Variants in PTPRD observed in about 807,000 individuals in gnomAD.
PTPRD encodes the protein receptor-type tyrosine-protein phosphatase delta.
Under a neutral mutation model 214.5 loss-of-function variants are expected in PTPRD, and 34 were observed. The observed-to-expected ratio is 0.16, with a 90% confidence interval of 0.12 to 0.21. PTPRD has a LOEUF of 0.21. Ranked by LOEUF, PTPRD falls within the 10% of genes least tolerant of loss-of-function variation. PTPRD has a pLI of 1.00. For missense variants in PTPRD, 2,545 were observed against 2,398.7 expected, an observed-to-expected ratio of 1.06 and a Z score of -1.27; for synonymous variants, 1,128 against 845.7, an observed-to-expected ratio of 1.33 and a Z score of -5.79.
chr9:8,561,831 CATAT>C (rs2154211174), intron 14 of PTPRD, among the ~76,000 whole-genome samples: 1 of 150,390 alleles, frequency 6.6e-6, no homozygotes, highest in Admixed American at 6.6e-5. Context: ...TCCAAATATA[CATAT>C]ATATTTATAT....
chr9:9,508,656 C>G (rs1458608385), intron 8 of PTPRD, among the ~76,000 whole-genome samples: 3 of 151,566 alleles, frequency 2.0e-5, no homozygotes, highest in Non-Finnish European at 3.0e-5. Context: ...ACTACATTTT[C>G]AGTCTTCTTT....
chr9:8,433,730 T>A (rs1169309062), intron 35 of PTPRD, among the ~76,000 whole-genome samples: 4 of 152,184 alleles, frequency 2.6e-5, no homozygotes, highest in Non-Finnish European at 2.9e-5. Context: ...CTAAGTGATA[T>A]CAAAAGAGAG....
intron 12 of PTPRD, among the ~76,000 whole-genome samples, chr9:8,662,294 C>T (rs552516175): frequency 3.9e-5 from 6 of 152,044 alleles, no homozygotes; most frequent in East Asian, 1.9e-4. Flanking sequence ...GGGGTCACTG[C>T]TATGTTGGAA....
chr9:9,011,721 TAGTG>T (rs2099512476), intron 11 of PTPRD, among the ~76,000 whole-genome samples: 1 of 152,196 alleles, frequency 6.6e-6, no homozygotes, highest in African/African-American at 2.4e-5. Context: ...TCATTTTCCT[TAGTG>T]AGAACAAATT....
chr9:9,380,517 T>C (rs1013363144), intron 9 of PTPRD, among the ~76,000 whole-genome samples: 2 of 152,116 alleles, frequency 1.3e-5, no homozygotes, highest in African/African-American at 4.8e-5. Context: ...CTGTTATTGA[T>C]TTATAGTTTG....
intron 5 of PTPRD, among the ~76,000 whole-genome samples, chr9:9,893,807 G>T (rs2074146832): frequency 6.6e-6 from 1 of 151,940 alleles, no homozygotes; most frequent in Non-Finnish European, 1.5e-5. Flanking sequence ...TCTTCTTTTA[G>T]CCTGTTCCTT....
At chr9:9,331,174 T>C (rs2042173540) in intron 9 of PTPRD, among the ~76,000 whole-genome samples, 1 of 152,136 alleles carries the variant, frequency 6.6e-6, no homozygotes, top group African/African-American at 2.4e-5. Context: ...ACATGCGTTC[T>C]GTTCTCTTCT....
chr9:8,806,270 G>A (rs905769836), intron 11 of PTPRD, among the ~76,000 whole-genome samples: 2 of 151,030 alleles, frequency 1.3e-5, no homozygotes, highest in Admixed American at 1.3e-4. Flanking sequence ...GGATTTTTAA[G>A]GAGCTAACTT....
At chr9:9,292,565 G>A (rs1474720215) in intron 9 of PTPRD, among the ~76,000 whole-genome samples, 1 of 151,152 alleles carries the variant, frequency 6.6e-6, no homozygotes, top group Non-Finnish European at 1.5e-5. Context: ...TCTTACATTA[G>A]TATGGTGAAT....
chr9:9,148,112 A>G (rs1352550820), intron 10 of PTPRD, among the ~76,000 whole-genome samples: 1 of 152,226 alleles, frequency 6.6e-6, no homozygotes, highest in Non-Finnish European at 1.5e-5. Flanking sequence ...AAAACATACA[A>G]AAATAAAGAA....
At chr9:8,910,132 A>C (rs778517668) in intron 11 of PTPRD, among the ~76,000 whole-genome samples, 26 of 151,960 alleles carry the variant, frequency 1.7e-4, no homozygotes, top group Non-Finnish European at 3.4e-4. Flanking sequence ...TCTGCCACCC[A>C]GGTTCACACC....
intron 5 of PTPRD, among the ~76,000 whole-genome samples, chr9:9,825,332 G>C (rs971046791): frequency 6.6e-6 from 1 of 150,992 alleles, no homozygotes; most frequent in African/African-American, 2.4e-5. Context: ...AAGAGAGAGA[G>C]AAAGAGACAA....
chr9:9,614,363 T>C (rs1000731742), intron 7 of PTPRD, among the ~76,000 whole-genome samples: 4 of 152,162 alleles, frequency 2.6e-5, no homozygotes, highest in African/African-American at 4.8e-5. Context: ...ATCAGCATAG[T>C]AATTTTTCTT....
chr9:8,764,207 G>A (rs1252878349), intron 11 of PTPRD, among the ~76,000 whole-genome samples: 1 of 152,120 alleles, frequency 6.6e-6, no homozygotes, highest in African/African-American at 2.4e-5. Flanking sequence ...TGTGAAACAT[G>A]CTTTTTCTTC....
At chr9:8,347,300 G>A (rs2074121579) in intron 39 of PTPRD, among the ~76,000 whole-genome samples, 1 of 152,084 alleles carries the variant, frequency 6.6e-6, no homozygotes, top group South Asian at 2.1e-4. Flanking sequence ...AAGAGGAAGA[G>A]TTCCTAACTT....
intron 2 of PTPRD, among the ~76,000 whole-genome samples, chr9:10,486,989 G>A (rs1245653287): frequency 2.6e-5 from 4 of 152,146 alleles, no homozygotes; most frequent in Non-Finnish European, 4.4e-5. Context: ...GTGCTCCAGT[G>A]TTGGATGCAT....
At chr9:8,900,708 A>T (rs1038027887) in intron 11 of PTPRD, among the ~76,000 whole-genome samples, 1 of 152,176 alleles carries the variant, frequency 6.6e-6, no homozygotes, top group South Asian at 2.1e-4. Flanking sequence ...CAAAATGCTG[A>T]GAAAGACAGT....
intron 39 of PTPRD, among the ~76,000 whole-genome samples, chr9:8,362,213 C>A (rs533173933): frequency 6.6e-6 from 1 of 152,292 alleles, no homozygotes; most frequent in South Asian, 2.1e-4. Context: ...GGCATACATA[C>A]CTATCTCTTG....
At position 9,987,877 on chromosome 9, in the gene PTPRD, C is replaced by A. The variant is rs575820902; in HGVS notation, c.-472+45841G>T. Among the ~76,000 whole-genome samples the A allele has an allele frequency of 7.2e-5, 11 of 152,114 alleles. No homozygotes were observed. In the South Asian group the frequency reaches 2.1e-3, roughly 29 times the overall value. ...TTCATTTAAACTCTTTGTTTTTTTA[C>A]ATTTTTGCAGAAGGAATGTTATTTA... On this transcript the variant is annotated intron_variant, in intron 4 of 45. Transcript: ENST00000381196.
Sources: allele counts gnomAD v4.1 joint callset (sites outside exome capture counted in the v4.1 genomes callset), GRCh38; gene constraint gnomAD v4.1.1; transcripts MANE v1.5; gene names NCBI Gene and HGNC (gene_info 2026-07-23, HGNC 2026-07-21).